GALNTL6: variants seen among roughly 807,000 people sequenced by gnomAD.
GALNTL6 encodes the protein polypeptide N-acetylgalactosaminyltransferase-like 6.
A neutral mutation model predicts 73.7 loss-of-function variants in GALNTL6; 46 were observed. The observed-to-expected ratio is 0.62, with a 90% CI of 0.49 to 0.80. The LOEUF is 0.80. GALNTL6 is among the 30% of genes least tolerant of loss of function. The pLI is 0.00. For missense variants in GALNTL6, 604 were observed against 755.0 expected (o/e 0.80, Z 2.34); for synonymous variants, 259 against 263.7 (o/e 0.98, Z 0.17).
chr4:171,893,509 A>T (rs925325338), intron 2 of GALNTL6, among the ~76,000 whole-genome samples: 1 of 152,182 alleles, frequency 6.6e-6, no homozygotes, highest in African/African-American at 2.4e-5. Flanking sequence ...GAATACAATT[A>T]GGTTAATTTT....
intron 5 of GALNTL6, among the ~76,000 whole-genome samples, chr4:172,626,211 G>A (rs1739164328): frequency 6.6e-6 from 1 of 152,010 alleles, no homozygotes; most frequent in Non-Finnish European, 1.5e-5. Flanking sequence ...TGAAACGTAG[G>A]GGTCAGTTTC....
At chr4:172,390,293 C>A (rs1483742135) in intron 5 of GALNTL6, among the ~76,000 whole-genome samples, 1 of 152,086 alleles carries the variant, frequency 6.6e-6, no homozygotes, top group Non-Finnish European at 1.5e-5. Context: ...TGAAATAGAG[C>A]CACTATGGAC....
chr4:172,428,269 T>C (rs1023815698), intron 5 of GALNTL6, among the ~76,000 whole-genome samples: 2 of 152,142 alleles, frequency 1.3e-5, no homozygotes, highest in African/African-American at 4.8e-5. Context: ...AAGACATGAA[T>C]TTTAGGTAGA....
At chr4:172,034,391 C>CGT (rs1741865841) in intron 2 of GALNTL6, among the ~76,000 whole-genome samples, 1 of 74,860 alleles carries the variant, frequency 1.3e-5, no homozygotes, top group Non-Finnish European at 2.6e-5. Context: ...TTAAGGGGAG[C>CGT]GTGCGTGCGT....
intron 5 of GALNTL6, among the ~76,000 whole-genome samples, chr4:172,605,004 G>T (rs1440880031): frequency 1.3e-5 from 2 of 152,174 alleles, no homozygotes; most frequent in Non-Finnish European, 2.9e-5. Context: ...CATTGAAGGA[G>T]CACCTCAGAC....
At chr4:172,487,527 C>T (rs916220063) in intron 5 of GALNTL6, among the ~76,000 whole-genome samples, 3 of 151,870 alleles carry the variant, frequency 2.0e-5, no homozygotes, top group African/African-American at 7.3e-5. Flanking sequence ...GCTGGGACTA[C>T]AGGTGTGGGC....
At chr4:172,739,966 G>A (rs905851975) in intron 5 of GALNTL6, among the ~76,000 whole-genome samples, 3 of 151,782 alleles carry the variant, frequency 2.0e-5, no homozygotes, top group African/African-American at 7.3e-5. Flanking sequence ...TACAAGGATG[G>A]CTACATGTTT....
intron 2 of GALNTL6, among the ~76,000 whole-genome samples, chr4:172,098,732 G>C (rs1013016521): frequency 2.0e-5 from 3 of 152,162 alleles, no homozygotes; most frequent in African/African-American, 7.2e-5. Context: ...CTTGGCCAGT[G>C]GTTCTCAACC....
chr4:172,654,275 G>A (rs779083515), intron 5 of GALNTL6, among the ~76,000 whole-genome samples: 4 of 152,158 alleles, frequency 2.6e-5, no homozygotes, highest in Non-Finnish European at 5.9e-5. Context: ...GCTGTGCACT[G>A]TAAGTACAAT....
At chr4:172,127,947 A>G (rs1287316759) in intron 2 of GALNTL6, among the ~76,000 whole-genome samples, 1 of 152,042 alleles carries the variant, frequency 6.6e-6, no homozygotes, top group African/African-American at 2.4e-5. Flanking sequence ...TACTTAAAAA[A>G]TACAAAAACT....
At chr4:172,583,733 C>T (rs1737284215) in intron 5 of GALNTL6, among the ~76,000 whole-genome samples, 2 of 151,750 alleles carry the variant, frequency 1.3e-5, no homozygotes, top group Non-Finnish European at 2.9e-5. Flanking sequence ...AACCCCATCT[C>T]TACTAAAAAT....
rs567911509 is a variant in GALNTL6 at position 171,895,581 on chromosome 4, T to G, written c.138+80863T>G. ...AAGACAAAACTAACTAACTGAAAAT[T>G]ACTCATGGAAGAAGAGAGTATCCAG... On this transcript the variant is annotated intron_variant, in intron 2 of 12. Coordinates refer to ENST00000506823, the MANE Select transcript of GALNTL6 (RefSeq NM_001034845.3). 1.2e-3 allele frequency among the ~76,000 whole-genome samples: 187 copies of G among 152,270 alleles called. 1 individual carries two copies. Among genetic ancestry groups the G allele is most frequent in the Middle Eastern group, 3.4e-3 (1 of 294 alleles).
At position 172,809,421 on chromosome 4, in the gene GALNTL6, G is replaced by A. The variant is rs763130885; in HGVS notation, c.614G>A (p.Arg205His). The change falls in exon 6 of 13, where the codon CGC becomes CAC. Residue 205 changes from arginine to histidine, a missense_variant. Around this residue, in one of 5 missense-constraint regions of GALNTL6, gnomAD observed 179 missense variants for 230.8 expected, o/e 0.78. Transcript: ENST00000506823. The surrounding 1 kb of genome is among the most constrained non-coding windows in gnomAD (Gnocchi z 4.4). ...CGATTTTCCAAAGTGAGGATTGTTC[G>A]CACCAAGAAAAGAGAAGGACTCATC... Reference protein sequence around the residue: ...MARFSKVRIVRTKKREGLIRT... With the variant: ...MARFSKVRIVHTKKREGLIRT... 5 of 1,613,790 alleles carry A rather than the reference G, an allele frequency of 3.1e-6. No individual in the cohort carries two copies. The highest frequency in any genetic ancestry group is 2.2e-5 in the East Asian group (1 of 44,866).
At chr4:172,905,699 T>C (rs1254568621) in intron 8 of GALNTL6, among the ~76,000 whole-genome samples, 2 of 149,288 alleles carry the variant, frequency 1.3e-5, no homozygotes, top group African/African-American at 4.9e-5. Context: ...ACATGGTACA[T>C]AAGCCACCAA....
At chr4:172,246,192 T>C (rs1414280750) in intron 3 of GALNTL6, among the ~76,000 whole-genome samples, 1 of 152,184 alleles carries the variant, frequency 6.6e-6, no homozygotes, top group Admixed American at 6.6e-5. Flanking sequence ...TTAGCGTTAC[T>C]AGGCGTTTCG....
chr4:172,048,259 A>C (rs1742273864), intron 2 of GALNTL6, among the ~76,000 whole-genome samples: 1 of 152,138 alleles, frequency 6.6e-6, no homozygotes, highest in Non-Finnish European at 1.5e-5. Context: ...CTAATGTTTC[A>C]GTGCAAAAGA....
At chr4:172,124,127 T>C (rs1022829882) in intron 2 of GALNTL6, among the ~76,000 whole-genome samples, 1 of 152,236 alleles carries the variant, frequency 6.6e-6, no homozygotes, top group African/African-American at 2.4e-5. Context: ...ATTTTTGTAA[T>C]ATACAACATA....
At chr4:172,485,014 A>G (rs1334220500) in intron 5 of GALNTL6, among the ~76,000 whole-genome samples, 1 of 152,188 alleles carries the variant, frequency 6.6e-6, no homozygotes, top group Non-Finnish European at 1.5e-5. Flanking sequence ...AAAGAAATAT[A>G]GAATTGATTT....
At chr4:172,368,019 C>A (rs539592306) in intron 5 of GALNTL6, among the ~76,000 whole-genome samples, 2 of 152,062 alleles carry the variant, frequency 1.3e-5, no homozygotes, top group African/African-American at 4.8e-5. Context: ...CACAGAAATT[C>A]TTTTGTCTTT....
Sources: allele counts gnomAD v4.1 joint callset (sites outside exome capture counted in the v4.1 genomes callset), GRCh38; gene constraint gnomAD v4.1.1; regional missense constraint gnomAD v4.1.1; non-coding constraint Gnocchi (gnomAD v3.1); transcripts MANE v1.5; gene names NCBI Gene and HGNC (gene_info 2026-07-23, HGNC 2026-07-21).